SGK1: variants seen among roughly 807,000 people sequenced by gnomAD.
SGK1 encodes serum/glucocorticoid regulated kinase 1, also known as serine/threonine-protein kinase Sgk1.
Under a neutral mutation model 64.2 loss-of-function variants are expected in SGK1, and 26 were observed. That is an observed-to-expected ratio of 0.40 (90% CI 0.30 to 0.56). The LOEUF is 0.56. Ranked by LOEUF, SGK1 falls within the 20% of genes least tolerant of loss-of-function variation. The pLI is 0.38. For synonymous variants in SGK1, 265 were observed against 239.7 expected (o/e 1.11, Z -0.98); for missense variants, 519 against 645.6 (o/e 0.80, Z 2.12).
intron 2 of SGK1, among the ~76,000 whole-genome samples, chr6:134,248,397 A>AGAT (rs1045055743): frequency 6.6e-6 from 1 of 151,844 alleles, no homozygotes; most frequent in Non-Finnish European, 1.5e-5. Context: ...ATACAGAGAC[A>AGAT]GATGACACAC....
chr6:134,185,970 C>A (rs1368974248), intron 3 of SGK1, among the ~76,000 whole-genome samples: 1 of 152,128 alleles, frequency 6.6e-6, no homozygotes, highest in African/African-American at 2.4e-5. Flanking sequence ...ACCCCCCTGT[C>A]CCCGCATTAG....
intron 1 of SGK1, among the ~76,000 whole-genome samples, chr6:134,279,822 A>T (rs947816539): frequency 6.6e-6 from 1 of 152,182 alleles, no homozygotes; most frequent in Admixed American, 6.6e-5. Flanking sequence ...TGAAATGAGC[A>T]GGTGTGCAGT....
At chr6:134,314,770 A>T (rs1185069588) in intron 1 of SGK1, among the ~76,000 whole-genome samples, 1 of 150,028 alleles carries the variant, frequency 6.7e-6, no homozygotes, top group Admixed American at 6.7e-5. Flanking sequence ...ATTCTTTTTA[A>T]TTAGCCCTAA....
intron 3 of SGK1, among the ~76,000 whole-genome samples, chr6:134,206,383 A>ATATATATTTT: frequency 6.0e-5 from 1 of 16,618 alleles, no homozygotes; most frequent in Non-Finnish European, 1.2e-4. Flanking sequence ...ATATATATAT[A>ATATATATTTT]TTTTTTTTTT....
intron 1 of SGK1, among the ~76,000 whole-genome samples, chr6:134,267,889 C>G (rs949760413): frequency 6.6e-6 from 1 of 152,206 alleles, no homozygotes; most frequent in Non-Finnish European, 1.5e-5. Context: ...CATGCTTTGT[C>G]TTAAAAAGGT....
chr6:134,171,646 C>G lies in SGK1; in HGVS notation c.1158G>C (p.Leu386=), dbSNP rs531664152. 1 of 1,612,052 alleles carries G rather than the reference C, an allele frequency of 6.2e-7. No individual in the cohort carries two copies. The highest frequency in any genetic ancestry group is 1.1e-5 in the South Asian group (1 of 91,026). The change falls in exon 11 of 14, where the codon CTG becomes CTC. Residue 386 remains leucine, a synonymous_variant. Transcript: ENST00000367858. Reference sequence around the variant, plus strand: ...CCAATGTGCCACTCACCAGGCCATACAGCATCTCATACAAGACAGCTCCCA... The same window carrying G: ...CCAATGTGCCACTCACCAGGCCATAGAGCATCTCATACAAGACAGCTCCCA... ...WCLGAVLYEM[L]YGLPPFYSRN...
At chr6:134,188,915 T>C (rs1379816424) in intron 3 of SGK1, among the ~76,000 whole-genome samples, 14 of 146,978 alleles carry the variant, frequency 9.5e-5, no homozygotes, top group Middle Eastern at 3.2e-3. Context: ...TTTCTTTTTT[T>C]TTTTTTTTTT....
intron 2 of SGK1, among the ~76,000 whole-genome samples, chr6:134,256,850 T>C (rs1776692084): frequency 6.6e-6 from 1 of 152,246 alleles, no homozygotes; most frequent in Admixed American, 6.5e-5. Flanking sequence ...GCATTATGAA[T>C]ACCCTTGTTT....
intron 1 of SGK1, among the ~76,000 whole-genome samples, chr6:134,304,092 G>A (rs369068903): frequency 6.6e-6 from 1 of 152,264 alleles, no homozygotes; most frequent in African/African-American, 2.4e-5. Flanking sequence ...AAGCTATGTG[G>A]AGAGAGAAAG....
chr6:134,222,460 C>A (rs1285018235), intron 2 of SGK1, among the ~76,000 whole-genome samples: 1 of 151,936 alleles, frequency 6.6e-6, no homozygotes, highest in Non-Finnish European at 1.5e-5. Context: ...CTCAGCCTCC[C>A]AAGTAGCTGG....
chr6:134,235,541 T>TA (rs1562260641), intron 2 of SGK1, among the ~76,000 whole-genome samples: 1 of 92,122 alleles, frequency 1.1e-5, no homozygotes, highest in South Asian at 2.9e-4. Context: ...AAATAGATAT[T>TA]TTTATTTATT....
chr6:134,170,660 G>A, intron 13 of SGK1, 166 bp downstream of exon 13: 1 of 691,690 alleles, frequency 1.4e-6, no homozygotes, highest in South Asian at 2.0e-5. Flanking sequence ...AAAAATTATG[G>A]GAGCCTTGTT....
chr6:134,238,647 A>G (rs1171139174), intron 2 of SGK1, among the ~76,000 whole-genome samples: 1 of 152,188 alleles, frequency 6.6e-6, no homozygotes, highest in Non-Finnish European at 1.5e-5. Flanking sequence ...ACAAGCATGG[A>G]AATAATTAGT....
chr6:134,298,001 A>G, intron 1 of SGK1: 1 of 839,194 alleles, frequency 1.2e-6, no homozygotes. Context: ...TCACAGACGT[A>G]TCCGAGATCT....
At chr6:134,213,039 A>C (rs1775916834) in intron 2 of SGK1, among the ~76,000 whole-genome samples, 1 of 152,186 alleles carries the variant, frequency 6.6e-6, no homozygotes, top group Admixed American at 6.6e-5. Flanking sequence ...TCATACAAGT[A>C]TCACACCATT....
At chr6:134,187,036 G>A (rs772610410) in intron 3 of SGK1, among the ~76,000 whole-genome samples, 2 of 151,996 alleles carry the variant, frequency 1.3e-5, no homozygotes, top group Admixed American at 1.3e-4. Context: ...AGCTGGTCTC[G>A]AACTCCTAAC....
At chr6:134,284,264 G>C (rs1777144684) in intron 1 of SGK1, among the ~76,000 whole-genome samples, 1 of 151,306 alleles carries the variant, frequency 6.6e-6, no homozygotes, top group Non-Finnish European at 1.5e-5. Context: ...GGCAATTTTT[G>C]TATTTTTAGT....
chr6:134,206,367 ATATATATATATATATATTTTTTTTTTTTT>A (rs1349580420), intron 3 of SGK1, among the ~76,000 whole-genome samples: 265 of 8,256 alleles, frequency 0.032, 5 homozygotes, highest in African/African-American at 0.065. Flanking sequence ...ATATATATAT[ATATATATATATATATATTTTTTTTTTTTT>A]TTTTTTTTTT....
In SGK1 at chr6:134,171,681, A is replaced by G; in HGVS notation, c.1123T>C (p.Trp375Arg). Residue 375 changes from tryptophan (W) to arginine (R), a missense_variant, in exon 11 of 14, where the codon TGG (tryptophan) becomes CGG (arginine). Transcript: ENST00000367858. ...HKQPYDRTVD[W>R]WCLGAVLYEM... ...TACAAGACAGCTCCCAGGCACCACC[A>G]GTCCACAGTCCTGTCATAAGGCTGC... The G allele has an allele frequency of 2.5e-6, 4 of 1,614,096 alleles. No individual in the cohort carries two copies. Among genetic ancestry groups the G allele is most frequent in the Non-Finnish European group, 3.4e-6 (4 of 1,179,944 alleles).
Sources: allele counts gnomAD v4.1 joint callset (sites outside exome capture counted in the v4.1 genomes callset), GRCh38; gene constraint gnomAD v4.1.1; transcripts MANE v1.5; gene names NCBI Gene and HGNC (gene_info 2026-07-23, HGNC 2026-07-21).